Variants in LRP6 observed in about 807,000 individuals in gnomAD.
LRP6 encodes LDL receptor related protein 6, also known as low-density lipoprotein receptor-related protein 6.
In LRP6, 43 loss-of-function variants were observed where a neutral mutation model predicts 184.1. The ratio of observed to expected loss-of-function variants is 0.23; its 90% CI spans 0.18 to 0.30. LRP6 has a LOEUF of 0.30. Among genes scored for constraint, LRP6 ranks in the 10% least tolerant of loss-of-function variants. The probability of loss-of-function intolerance (pLI) is 1.00; values close to 1 mark genes in which losing one functional copy is unlikely to be tolerated. For synonymous variants in LRP6, 719 were observed against 684.9 expected, an observed-to-expected ratio of 1.05 and a Z score of -0.78; for missense variants, 1,571 against 2,005.3, an observed-to-expected ratio of 0.78 and a Z score of 4.14.
chr12:12,137,360 G>A (rs140775639), intron 16 of LRP6, among the ~76,000 whole-genome samples: 2 of 152,168 alleles, frequency 1.3e-5, no homozygotes, highest in African/African-American at 2.4e-5. Context: ...TTTGATGACA[G>A]ATATGAATTA....
At chr12:12,121,684 G>T (rs1342050427) in intron 22 of LRP6, among the ~76,000 whole-genome samples, 7 of 152,142 alleles carry the variant, frequency 4.6e-5, no homozygotes, top group Non-Finnish European at 1.0e-4. Flanking sequence ...GCCTCTGGTT[G>T]TGCTCTTACA....
chr12:12,254,174 G>GAAAA (rs1865405730), intron 1 of LRP6, among the ~76,000 whole-genome samples: 1 of 138,474 alleles, frequency 7.2e-6, no homozygotes, highest in Non-Finnish European at 1.6e-5. Context: ...AAGAAAGAAA[G>GAAAA]AAAAAGGAAA....
At chr12:12,204,651 G>T (rs957382069) in intron 2 of LRP6, among the ~76,000 whole-genome samples, 2 of 152,152 alleles carry the variant, frequency 1.3e-5, no homozygotes, top group Non-Finnish European at 2.9e-5. Context: ...GGCTGGGCAC[G>T]GTGGCTCATG....
In LRP6 at chr12:12,165,094, C is replaced by T. The variant is rs770296512; in HGVS notation, c.1747G>A (p.Val583Ile). Residue 583 changes from valine (V) to isoleucine (I), a missense_variant, in exon 8 of 23, where the codon GTT becomes ATT. Coordinates refer to ENST00000261349, the MANE Select transcript of LRP6 (RefSeq NM_002336.3). Reference sequence around the variant, plus strand: ...AGTTACTCACCAATCACTCGATGAACATTTGTAGCCTTTAGGCCCATGAGG... The same window carrying T: ...AGTTACTCACCAATCACTCGATGAATATTTGTAGCCTTTAGGCCCATGAGG... Reference protein sequence around the residue: ...PDLMGLKATNVHRVIGSNPCA... With the variant: ...PDLMGLKATNIHRVIGSNPCA... The T allele has an allele frequency of 1.9e-6, 3 of 1,613,702 alleles. No homozygotes were observed. The highest frequency in any genetic ancestry group is 2.2e-5 in the South Asian group (2 of 91,074).
intron 7 of LRP6, among the ~76,000 whole-genome samples, chr12:12,167,535 C>T (rs576853871): frequency 6.6e-5 from 10 of 151,480 alleles, no homozygotes; most frequent in Admixed American, 5.9e-4. Context: ...CCCAGCTACT[C>T]GGGAGGCTGA....
rs1949519419 is a variant in LRP6, at chr12:12,116,308, G to GA, written c.*4817dup. 1 of 152,018 alleles carries GA rather than the reference G, an allele frequency of 6.6e-6. No homozygotes were observed. The highest frequency in any genetic ancestry group is 1.5e-5 in the Non-Finnish European group (1 of 67,990). 9.4% of individuals were successfully genotyped at this position (152,018 alleles called of 1,614,324 possible). A position where few individuals can be genotyped will look rare whatever the true frequency, so the allele number is the denominator to read the frequency against. Reference sequence around the variant, plus strand: ...CAATGACGAAGATTAAAGCTTAAGGGAAAAAAATAAAAGATAAACATCTGA... The same window carrying GA: ...CAATGACGAAGATTAAAGCTTAAGGGAAAAAAAATAAAAGATAAACATCTGA... On this transcript the variant is annotated 3_prime_UTR_variant, in exon 23 of 23. Coordinates refer to ENST00000261349, the MANE Select transcript of LRP6 (RefSeq NM_002336.3).
At chr12:12,214,623 T>C (rs1296632665) in intron 2 of LRP6, among the ~76,000 whole-genome samples, 1 of 152,268 alleles carries the variant, frequency 6.6e-6, no homozygotes, top group African/African-American at 2.4e-5. Context: ...ATTTGAAATT[T>C]CTAAGTCATG....
chr12:12,235,212 G>T (rs1036714366), intron 2 of LRP6, among the ~76,000 whole-genome samples: 3 of 152,152 alleles, frequency 2.0e-5, no homozygotes, highest in African/African-American at 7.2e-5. Flanking sequence ...AATCTATCAT[G>T]ATAATGAGAG....
intron 1 of LRP6, chr12:12,249,140 G>A (rs1416104415): frequency 1.4e-6 from 1 of 708,320 alleles, no homozygotes; most frequent in African/African-American, 1.8e-5. Flanking sequence ...GTACAGGGAT[G>A]ATAATTGGGC....
chr12:12,162,453 CA>C, intron 9 of LRP6, 34 bp from the exon 10 acceptor site: 1 of 1,548,762 alleles, frequency 6.5e-7, no homozygotes, highest in Non-Finnish European at 8.9e-7. Context: ...AGTCATATGG[CA>C]TAAGTCTAAA....
Position 12,130,919 on chromosome 12 carries a change from C to T in LRP6, c.3971-26G>A, listed in dbSNP as rs965614583. 6.9e-6 allele frequency: 9 copies of T among 1,295,152 alleles called. 1 individual carries two copies. In the Admixed American group the frequency reaches 1.0e-4, roughly 15 times the overall value. The allele number at this position is 1,295,152 out of a possible 1,614,324, so 80.2% of individuals were successfully genotyped here. On this transcript the variant is annotated intron_variant, in intron 18 of 22. Coordinates refer to ENST00000261349, the MANE Select transcript of LRP6 (RefSeq NM_002336.3). ...CTGGAAAAAAAACATAAATAGTTTC[C>T]TTATTTTTAATATCATGTAAAGTCA...
At chr12:12,212,833 G>C (rs1487105107) in intron 2 of LRP6, among the ~76,000 whole-genome samples, 1 of 152,082 alleles carries the variant, frequency 6.6e-6, no homozygotes, top group African/African-American at 2.4e-5. Context: ...ATCAAAATTA[G>C]TTTCTGAGGA....
intron 2 of LRP6, 41 bp from the exon 3 acceptor site, chr12:12,203,441 TATCA>T (rs763573279): frequency 2.0e-6 from 3 of 1,483,798 alleles, no homozygotes; most frequent in Non-Finnish European, 2.8e-6. Context: ...ACAGAGCAGA[TATCA>T]ATCAAATACT....
At chr12:12,195,878 G>A (rs569545294) in intron 3 of LRP6, among the ~76,000 whole-genome samples, 76 of 152,034 alleles carry the variant, frequency 5.0e-4, no homozygotes, top group Non-Finnish European at 9.6e-4. Context: ...AAGGTGAGAG[G>A]TGGGTTTCTA....
intron 3 of LRP6, among the ~76,000 whole-genome samples, chr12:12,201,495 C>T (rs1863913085): frequency 6.6e-6 from 1 of 152,134 alleles, no homozygotes; most frequent in Admixed American, 6.5e-5. Context: ...TGGCGTTCCC[C>T]TGCTTTCAAG....
At chr12:12,210,895 T>G (rs1258213346) in intron 2 of LRP6, 2 of 152,202 alleles carry the variant, frequency 1.3e-5, no homozygotes, top group Admixed American at 1.3e-4. Flanking sequence ...CTTACTCCGG[T>G]TAGTAGATTA....
rs776822273 is a variant in LRP6, at chr12:12,120,244, T to C, written c.*882A>G. Reference sequence around the variant, plus strand: ...TCATTATGCAAAAACAGCAGTCAAATTGAAGAGCTAAGCCTACTGGGGAAT... The same window carrying C: ...TCATTATGCAAAAACAGCAGTCAAACTGAAGAGCTAAGCCTACTGGGGAAT... On this transcript the variant is annotated 3_prime_UTR_variant, in exon 23 of 23. Coordinates refer to ENST00000261349, the MANE Select transcript of LRP6 (RefSeq NM_002336.3). The C allele has an allele frequency of 1.3e-5, 2 of 151,782 alleles. No homozygotes were observed. The highest frequency in any genetic ancestry group is 2.1e-4 in the South Asian group (1 of 4,814). The allele number at this position is 151,782 out of a possible 1,614,324, so 9.4% of individuals were successfully genotyped here. A position where few individuals can be genotyped will look rare whatever the true frequency, so the allele number is the denominator to read the frequency against.
intron 3 of LRP6, among the ~76,000 whole-genome samples, chr12:12,202,349 C>T (rs1591942311): frequency 6.6e-6 from 1 of 152,310 alleles, no homozygotes; most frequent in African/African-American, 2.4e-5. Context: ...ATAAGACCAG[C>T]CTGGGCAACA....
At chr12:12,147,579 A>G in intron 14 of LRP6, 23 bp from the exon 15 acceptor site, 1 of 1,577,680 alleles carries the variant, frequency 6.3e-7, no homozygotes, top group Non-Finnish European at 8.7e-7. Flanking sequence ...GAGGAAAAAA[A>G]TAAGTTACTG....
Sources: allele counts gnomAD v4.1 joint callset (sites outside exome capture counted in the v4.1 genomes callset), GRCh38; gene constraint gnomAD v4.1.1; transcripts MANE v1.5; gene names NCBI Gene and HGNC (gene_info 2026-07-23, HGNC 2026-07-21).